The following IMMP2L variants were observed in gnomAD, a reference collection of about 807,000 sequenced individuals.
The protein encoded by IMMP2L is inner mitochondrial membrane peptidase subunit 2.
A neutral mutation model predicts 19.3 loss-of-function variants in IMMP2L; 18 were observed. That is an observed-to-expected ratio of 0.93 (90% CI 0.64 to 1.38). The LOEUF (loss-of-function observed/expected upper bound fraction) is 1.38, where lower values mean the gene tolerates loss of function less well. Among genes scored for constraint, IMMP2L ranks in the 40% most tolerant of loss-of-function variants. The probability of loss-of-function intolerance (pLI) is 0.00; values close to 1 mark genes in which losing one functional copy is unlikely to be tolerated. For missense variants in IMMP2L, 233 were observed against 218.2 expected (o/e 1.07, Z -0.43); for synonymous variants, 76 against 73.0 (o/e 1.04, Z -0.21).
intron 3 of IMMP2L, among the ~76,000 whole-genome samples, chr7:111,211,075 T>C (rs866443562): frequency 6.6e-6 from 1 of 152,158 alleles, no homozygotes; most frequent in African/African-American, 2.4e-5. Context: ...AGTCAGTATA[T>C]AAAACTTTGT....
At chr7:110,845,671 ACTGT>A (rs1215550369) in intron 5 of IMMP2L, among the ~76,000 whole-genome samples, 3 of 152,058 alleles carry the variant, frequency 2.0e-5, no homozygotes, top group Non-Finnish European at 4.4e-5. Context: ...GCTTGATCGG[ACTGT>A]CTAACACTTC....
In IMMP2L at chr7:111,340,802, A is replaced by G. The variant is rs1212275650; in HGVS notation, c.239+146436T>C. 1.3e-5 allele frequency among the ~76,000 whole-genome samples: 2 copies of G among 152,142 alleles called. 1 individual carries two copies. Among genetic ancestry groups the G allele is most frequent in the Non-Finnish European group, 2.9e-5 (2 of 67,990 alleles). ...AATAGCAGGAATGAACCTCACCTGC[A>G]CAATGGTCAGTGAAAGAAGTCAGGC... On this transcript the variant is annotated intron_variant, in intron 3 of 5. Coordinates refer to ENST00000405709, the MANE Select transcript of IMMP2L (RefSeq NM_032549.4).
At chr7:111,541,710 T>C (rs1487351566) in intron 1 of IMMP2L, among the ~76,000 whole-genome samples, 1 of 152,128 alleles carries the variant, frequency 6.6e-6, no homozygotes, top group Non-Finnish European at 1.5e-5. Flanking sequence ...TTAAGGAATA[T>C]ATGAGCTAGA....
chr7:111,315,567 T>G (rs1184267322), intron 3 of IMMP2L, among the ~76,000 whole-genome samples: 1 of 152,080 alleles, frequency 6.6e-6, no homozygotes, highest in Non-Finnish European at 1.5e-5. Context: ...ACAATGCAAT[T>G]TGCTCTTCCA....
rs148610691 is a variant in IMMP2L at position 111,474,382 on chromosome 7, T to C, written c.239+12856A>G. On this transcript the variant is annotated intron_variant, in intron 3 of 5. Transcript: ENST00000405709. The stretch of plus-strand genomic sequence containing the variant: ...TATGATAAAGTGTGCTAAGGAATCA[T>C]ACCTCCTTGAAAATAACTAAAAACA... 2.8e-3 allele frequency among the ~76,000 whole-genome samples: 427 copies of C among 152,196 alleles called. 2 individuals carry two copies. The highest frequency in any genetic ancestry group is 8.8e-3 in the African/African-American group (366 of 41,536).
intron 5 of IMMP2L, among the ~76,000 whole-genome samples, chr7:110,782,487 G>A (rs1225638056): frequency 6.6e-6 from 1 of 151,828 alleles, no homozygotes; most frequent in Non-Finnish European, 1.5e-5. Context: ...GGGACAGATG[G>A]AAAGGCACCT....
intron 5 of IMMP2L, among the ~76,000 whole-genome samples, chr7:110,817,186 A>G (rs1802599814): frequency 6.6e-6 from 1 of 152,176 alleles, no homozygotes. Flanking sequence ...CTGTTTGCAG[A>G]TGACATGATT....
At chr7:111,541,101 C>T (rs959044677) in intron 1 of IMMP2L, among the ~76,000 whole-genome samples, 7 of 152,142 alleles carry the variant, frequency 4.6e-5, no homozygotes, top group Admixed American at 3.3e-4. Flanking sequence ...GAATAGATGA[C>T]CTTAGCTCCA....
intron 3 of IMMP2L, among the ~76,000 whole-genome samples, chr7:111,182,258 C>CTAA (rs1284605955): frequency 6.6e-6 from 1 of 151,948 alleles, no homozygotes; most frequent in Non-Finnish European, 1.5e-5. Flanking sequence ...ACTTACCCGG[C>CTAA]TAATAATAAT....
rs192888683 is a variant in IMMP2L at position 111,394,689 on chromosome 7, G to A, written c.239+92549C>T. ...TCATCTCAAAGAACTTTAAATATCC[G>A]TCCCTGTCACTAGCTACCAAATCAA... On this transcript the variant is annotated intron_variant, in intron 3 of 5. Coordinates refer to ENST00000405709, the MANE Select transcript of IMMP2L (RefSeq NM_032549.4). Among the ~76,000 whole-genome samples the A allele has an allele frequency of 9.2e-5, 14 of 152,110 alleles. No homozygotes were observed. The East Asian group carries it at 1.7e-3, about 19-fold the overall frequency.
rs540045046 is a variant in IMMP2L, at chr7:110,727,381, A to G, written c.409-63660T>C. Among the ~76,000 whole-genome samples the G allele has an allele frequency of 1.4e-5, 2 of 142,892 alleles. No individual in the cohort carries two copies. Among genetic ancestry groups the G allele is most frequent in the South Asian group, 2.2e-4 (1 of 4,456 alleles). The allele number at this position is 142,892 out of a possible 152,430, so 93.7% of individuals were successfully genotyped here. On this transcript the variant is annotated intron_variant, in intron 5 of 5. Transcript: ENST00000405709. The surrounding 1 kb of genome is among the most constrained non-coding windows in gnomAD (Gnocchi z 4.3). ...ACTCCAGCCTGGATGACAGAGTGAGACTCTGTCTCTAAATAAATAAATAAA... is the reference window on the plus strand; with the variant it reads ...ACTCCAGCCTGGATGACAGAGTGAGGCTCTGTCTCTAAATAAATAAATAAA...
intron 5 of IMMP2L, among the ~76,000 whole-genome samples, chr7:110,785,840 T>G (rs1800039032): frequency 6.6e-6 from 1 of 151,978 alleles, no homozygotes; most frequent in South Asian, 2.1e-4. Flanking sequence ...TCTATAACAC[T>G]AATTGTTCCA....
intron 3 of IMMP2L, among the ~76,000 whole-genome samples, chr7:111,417,981 C>A (rs1237856659): frequency 6.6e-6 from 1 of 151,714 alleles, no homozygotes; most frequent in African/African-American, 2.4e-5. Context: ...ATCTTCCTAA[C>A]CATAGTACAG....
chr7:111,536,195 T>C (rs759149285), intron 1 of IMMP2L, among the ~76,000 whole-genome samples: 1 of 152,172 alleles, frequency 6.6e-6, no homozygotes, highest in Non-Finnish European at 1.5e-5. Flanking sequence ...GGGTTTTAGC[T>C]TCAAAAGGTA....
intron 3 of IMMP2L, among the ~76,000 whole-genome samples, chr7:111,249,380 C>T (rs1290670711): frequency 7.0e-6 from 1 of 143,488 alleles, no homozygotes; most frequent in African/African-American, 2.6e-5. Context: ...TGCTTCGGCT[C>T]GCGCACGGTG....
rs1409425589 is a variant in IMMP2L, at chr7:110,870,583, T to C, written c.408+16010A>G. Among the ~76,000 whole-genome samples, 1 of 152,154 alleles carries C rather than the reference T, an allele frequency of 6.6e-6. No homozygotes were observed. The highest frequency in any genetic ancestry group is 1.5e-5 in the Non-Finnish European group (1 of 68,010). ...GTGTGTGCACGCGCATGTGTGCGTG[T>C]GTTCCATTTTGTTAGATGCACAGAA... On this transcript the variant is annotated intron_variant, in intron 5 of 5. Transcript: ENST00000405709. The surrounding 1 kb of genome is among the most constrained non-coding windows in gnomAD (Gnocchi z 4.2).
intron 3 of IMMP2L, among the ~76,000 whole-genome samples, chr7:111,100,417 TATA>T (rs566298410): frequency 8.8e-4 from 131 of 148,046 alleles, no homozygotes; most frequent in African/African-American, 3.1e-3. Context: ...AAACTTTATA[TATA>T]ATAAAATATA....
chr7:111,368,960 C>T (rs1830036360), intron 3 of IMMP2L, among the ~76,000 whole-genome samples: 1 of 151,810 alleles, frequency 6.6e-6, no homozygotes, highest in Non-Finnish European at 1.5e-5. Flanking sequence ...GTTTGAACTT[C>T]AAGTTTTGTT....
chr7:111,201,650 G>A (rs190711077), intron 3 of IMMP2L, among the ~76,000 whole-genome samples: 160 of 151,876 alleles, frequency 1.1e-3, no homozygotes, highest in African/African-American at 3.6e-3. Context: ...TGGGAGACAG[G>A]GGTTGCAGTG....
Sources: gnomAD v4.1 joint callset for allele counts (sites outside exome capture counted in the v4.1 genomes callset) on GRCh38, gnomAD v4.1.1 for gene constraint, Gnocchi (gnomAD v3.1) non-coding constraint, MANE v1.5 for transcripts, NCBI Gene and HGNC (gene_info 2026-07-23, HGNC 2026-07-21) for gene names.